Variants in DNAJC15 observed in about 807,000 individuals in gnomAD.
The protein encoded by DNAJC15 is dnaJ homolog subfamily C member 15.
In DNAJC15, 27 loss-of-function variants were observed where a neutral mutation model predicts 22.4. The ratio of observed to expected loss-of-function variants is 1.20; its 90% CI spans 0.89 to 1.66. The LOEUF (loss-of-function observed/expected upper bound fraction) is 1.66, where lower values mean the gene tolerates loss of function less well. Among genes scored for constraint, DNAJC15 ranks in the 40% most tolerant of loss-of-function variants. DNAJC15 has a pLI of 0.00. For missense variants in DNAJC15, 208 were observed against 187.1 expected (o/e 1.11, Z -0.65); for synonymous variants, 79 against 63.2 (o/e 1.25, Z -1.19).
At chr13:43,029,837 TTC>T (rs1479028309) in intron 1 of DNAJC15, among the ~76,000 whole-genome samples, 1 of 152,192 alleles carries the variant, frequency 6.6e-6, no homozygotes, top group Non-Finnish European at 1.5e-5. Flanking sequence ...AGAATACTCG[TTC>T]TCTCAGTTCC....
chr13:43,074,035 T>C (rs2040621306), intron 3 of DNAJC15, among the ~76,000 whole-genome samples: 2 of 152,116 alleles, frequency 1.3e-5, no homozygotes, highest in South Asian at 4.1e-4. Flanking sequence ...TTAAATTGCA[T>C]TTATTTTGTT....
chr13:43,085,876 A>G, intron 5 of DNAJC15, 38 bp downstream of exon 5: 2 of 1,548,756 alleles, frequency 1.3e-6, no homozygotes, highest in African/African-American at 1.4e-5. Flanking sequence ...ATGTATATCA[A>G]AATATGCTGT....
At chr13:43,070,685 A>G (rs1296340450) in intron 3 of DNAJC15, among the ~76,000 whole-genome samples, 1 of 152,194 alleles carries the variant, frequency 6.6e-6, no homozygotes, top group African/African-American at 2.4e-5. Flanking sequence ...AAATGAGTCT[A>G]GCAGCAAGAG....
intron 1 of DNAJC15, among the ~76,000 whole-genome samples, chr13:43,061,939 T>C (rs552157537): frequency 2.0e-5 from 3 of 152,012 alleles, no homozygotes; most frequent in Non-Finnish European, 4.4e-5. Flanking sequence ...GTAGGACTCA[T>C]ATGATATAGA....
rs932470229 is a variant in DNAJC15, at chr13:43,109,836, G to A, written c.*2588G>A. The A allele has an allele frequency of 1.3e-5, 2 of 151,338 alleles. No homozygotes were observed. The allele number at this position is 151,338 out of a possible 1,614,324, so 9.4% of individuals were successfully genotyped here. A position where few individuals can be genotyped will look rare whatever the true frequency, so the allele number is the denominator to read the frequency against. ...TAACAAACCTGCACGTTGTGCACATGTGCCCTAGAACTTAAAGTATAATAA... is the reference window on the plus strand; with the variant it reads ...TAACAAACCTGCACGTTGTGCACATATGCCCTAGAACTTAAAGTATAATAA... On this transcript the variant is annotated 3_prime_UTR_variant, in exon 6 of 6. Coordinates refer to ENST00000379221, the MANE Select transcript of DNAJC15 (RefSeq NM_013238.3).
chr13:43,081,896 T>C (rs2040663679), intron 4 of DNAJC15, among the ~76,000 whole-genome samples: 1 of 152,052 alleles, frequency 6.6e-6, no homozygotes, highest in Non-Finnish European at 1.5e-5. Context: ...TGGGGAGGCC[T>C]CAATAATGGC....
At chr13:43,036,895 G>C (rs926060396) in intron 1 of DNAJC15, among the ~76,000 whole-genome samples, 2 of 152,250 alleles carry the variant, frequency 1.3e-5, no homozygotes, top group Admixed American at 6.5e-5. Flanking sequence ...CCCCACCCTG[G>C]AGTGGATGCC....
chr13:43,100,021 G>C (rs2040759536), intron 5 of DNAJC15, among the ~76,000 whole-genome samples: 1 of 151,900 alleles, frequency 6.6e-6, no homozygotes, highest in South Asian at 2.1e-4. Context: ...TTTGTGGGTA[G>C]TTTTTTGTTT....
intron 2 of DNAJC15, among the ~76,000 whole-genome samples, chr13:43,068,463 A>G (rs970863573): frequency 6.6e-6 from 1 of 152,028 alleles, no homozygotes; most frequent in Admixed American, 6.5e-5. Context: ...ATTGATTAAA[A>G]CCATTTCTGT....
At chr13:43,086,785 G>A (rs1284116356) in intron 5 of DNAJC15, among the ~76,000 whole-genome samples, 1 of 152,166 alleles carries the variant, frequency 6.6e-6, no homozygotes, top group African/African-American at 2.4e-5. Context: ...AATTTACTTT[G>A]CATTGTGGGC....
chr13:43,026,074 A>G (rs936965322), intron 1 of DNAJC15, among the ~76,000 whole-genome samples: 20 of 152,300 alleles, frequency 1.3e-4, no homozygotes, highest in Middle Eastern at 3.4e-3. Context: ...TATCAAATGT[A>G]TTATATTGGC....
intron 4 of DNAJC15, among the ~76,000 whole-genome samples, chr13:43,079,090 T>A (rs1177773536): frequency 6.6e-6 from 1 of 152,220 alleles, no homozygotes; most frequent in African/African-American, 2.4e-5. Context: ...TCAAGCATAT[T>A]TATTGTGCTT....
At chr13:43,076,814 T>C (rs556073804) in intron 3 of DNAJC15, among the ~76,000 whole-genome samples, 1 of 152,340 alleles carries the variant, frequency 6.6e-6, no homozygotes, top group East Asian at 1.9e-4. Flanking sequence ...GCAGCTCTTC[T>C]CAGTTTTTGA....
At chr13:43,100,277 A>T (rs528790436) in intron 5 of DNAJC15, among the ~76,000 whole-genome samples, 1 of 144,850 alleles carries the variant, frequency 6.9e-6, no homozygotes, top group East Asian at 2.0e-4. Context: ...GCACAGTCAT[A>T]GCTCACTGCA....
At chr13:43,045,318 G>A (rs1383344477) in intron 1 of DNAJC15, among the ~76,000 whole-genome samples, 1 of 152,100 alleles carries the variant, frequency 6.6e-6, no homozygotes, top group African/African-American at 2.4e-5. Flanking sequence ...CTTGTAGCAG[G>A]ACAAGCCGCA....
rs1476258810 is a variant in DNAJC15, at chr13:43,078,595, C to G, written c.235-17C>G. On this transcript the variant is annotated splice_polypyrimidine_tract_variant and intron_variant, in intron 3 of 5. Transcript: ENST00000379221. ...TACGTGGAACTAATGATTTCTTGCTCTTTCTTTCCTATACAGAGCTTTTCA... is the reference window on the plus strand; with the variant it reads ...TACGTGGAACTAATGATTTCTTGCTGTTTCTTTCCTATACAGAGCTTTTCA... 6.2e-7 allele frequency: 1 copy of G among 1,607,654 alleles called. No individual in the cohort carries two copies. Among genetic ancestry groups the G allele is most frequent in the Non-Finnish European group, 8.5e-7 (1 of 1,175,800 alleles).
intron 1 of DNAJC15, among the ~76,000 whole-genome samples, chr13:43,045,479 G>C (rs1235457337): frequency 6.6e-6 from 1 of 152,202 alleles, no homozygotes; most frequent in Non-Finnish European, 1.5e-5. Flanking sequence ...ATATGAAAGG[G>C]TTGTGATTGA....
chr13:43,078,325 A>G (rs1212152664), intron 3 of DNAJC15, among the ~76,000 whole-genome samples: 1 of 152,210 alleles, frequency 6.6e-6, no homozygotes, highest in Non-Finnish European at 1.5e-5. Flanking sequence ...AGAGCTTAGA[A>G]AAAGTTCAAG....
At chr13:43,042,455 T>C (rs2040458564) in intron 1 of DNAJC15, among the ~76,000 whole-genome samples, 1 of 152,122 alleles carries the variant, frequency 6.6e-6, no homozygotes, top group Non-Finnish European at 1.5e-5. Flanking sequence ...CAGGGATCAA[T>C]CATAACATCT....
Sources: allele counts gnomAD v4.1 joint callset (sites outside exome capture counted in the v4.1 genomes callset), GRCh38; gene constraint gnomAD v4.1.1; transcripts MANE v1.5; gene names NCBI Gene and HGNC (gene_info 2026-07-23, HGNC 2026-07-21).